The following GALNTL6 variants were observed in gnomAD, a reference collection of about 807,000 sequenced individuals.
GALNTL6 encodes polypeptide N-acetylgalactosaminyltransferase-like 6.
In GALNTL6, 46 loss-of-function variants were observed where a neutral mutation model predicts 73.7. That is an observed-to-expected ratio of 0.62 (90% CI 0.49 to 0.80). The LOEUF (loss-of-function observed/expected upper bound fraction) is 0.80. GALNTL6 is among the 30% of genes least tolerant of loss of function. The pLI is 0.00. For synonymous variants in GALNTL6, 259 were observed against 263.7 expected, an observed-to-expected ratio of 0.98 and a Z score of 0.17; for missense variants, 604 against 755.0, an observed-to-expected ratio of 0.80 and a Z score of 2.34.
chr4:172,097,517 T>A lies in GALNTL6; in HGVS notation c.139-132139T>A, dbSNP rs371884540. Among the ~76,000 whole-genome samples the A allele has an allele frequency of 6.4e-4, 97 of 152,212 alleles. 1 individual carries two copies. The South Asian group carries it at 0.015, about 23-fold the overall frequency. ...TGGAACAGATTCAGGTAACTCATTA[T>A]CCCTTCCTCTCTCCCTTCCTCCCTC... On this transcript the variant is annotated intron_variant, in intron 2 of 12. Transcript: ENST00000506823.
At chr4:172,245,214 G>C (rs776349806) in intron 3 of GALNTL6, among the ~76,000 whole-genome samples, 10 of 152,008 alleles carry the variant, frequency 6.6e-5, no homozygotes, top group Non-Finnish European at 1.0e-4. Context: ...TGCTAAATGA[G>C]GCCAAAATGT....
chr4:172,938,234 C>T (rs1421867969), intron 9 of GALNTL6, among the ~76,000 whole-genome samples: 1 of 152,116 alleles, frequency 6.6e-6, no homozygotes, highest in African/African-American at 2.4e-5. Context: ...TCTGCTGATT[C>T]CATAGATCCT....
rs1737725078 is a variant in GALNTL6 at position 172,248,197 on chromosome 4, A to G, written c.247+18433A>G. 2.6e-5 allele frequency among the ~76,000 whole-genome samples: 4 copies of G among 152,306 alleles called. No homozygotes were observed. In the South Asian group the frequency reaches 8.3e-4, roughly 32 times the overall value. On this transcript the variant is annotated intron_variant, in intron 3 of 12. Transcript: ENST00000506823. ...CAGATTACCTCAGTTAGCTAATGAA[A>G]ATTTATTTTAACATGATCATGAAAG...
rs375712652 is a variant in GALNTL6, at chr4:172,062,124, AT to A, written c.139-167521del. Among the ~76,000 whole-genome samples the A allele has an allele frequency of 3.1e-3, 449 of 143,522 alleles. 1 individual carries two copies. Among genetic ancestry groups the A allele is most frequent in the Admixed American group, 4.3e-3 (62 of 14,348 alleles). 94.2% of individuals were successfully genotyped at this position (143,522 alleles called of 152,430 possible). On this transcript the variant is annotated intron_variant, in intron 2 of 12. Coordinates refer to ENST00000506823, the MANE Select transcript of GALNTL6 (RefSeq NM_001034845.3). Reference sequence around the variant, plus strand: ...ACCACCATGCCCAGCTAATTTTTGTATTTTTTTTTTTAGTAGAGACAGGGTT... The same window carrying A: ...ACCACCATGCCCAGCTAATTTTTGTATTTTTTTTTTAGTAGAGACAGGGTT...
chr4:171,929,729 A>C (rs879423709), intron 2 of GALNTL6, among the ~76,000 whole-genome samples: 2 of 152,132 alleles, frequency 1.3e-5, no homozygotes, highest in Admixed American at 1.3e-4. Flanking sequence ...AGGCATTCAC[A>C]CGCACCCACC....
At chr4:172,166,319 G>A (rs143332199) in intron 2 of GALNTL6, among the ~76,000 whole-genome samples, 2 of 152,230 alleles carry the variant, frequency 1.3e-5, no homozygotes, top group Non-Finnish European at 2.9e-5. Flanking sequence ...GGTGGCGCAT[G>A]CCTGTAATCC....
At chr4:172,993,444 A>G (rs1057354246) in intron 10 of GALNTL6, among the ~76,000 whole-genome samples, 2 of 152,182 alleles carry the variant, frequency 1.3e-5, no homozygotes, top group African/African-American at 4.8e-5. Flanking sequence ...ATATACCAAA[A>G]CCATTCCAGG....
chr4:172,054,848 A>G (rs542823796), intron 2 of GALNTL6, among the ~76,000 whole-genome samples: 11 of 152,210 alleles, frequency 7.2e-5, no homozygotes, highest in Non-Finnish European at 1.5e-4. Context: ...CTTTTCATTA[A>G]TGATCAAGAG....
At chr4:172,329,102 C>T (rs942832737) in intron 4 of GALNTL6, among the ~76,000 whole-genome samples, 40 of 152,274 alleles carry the variant, frequency 2.6e-4, no homozygotes, top group African/African-American at 9.4e-4. Context: ...ACATGGAGAA[C>T]AGTCTGTCCA....
chr4:172,149,915 G>A (rs1292114902), intron 2 of GALNTL6, among the ~76,000 whole-genome samples: 2 of 152,168 alleles, frequency 1.3e-5, no homozygotes, highest in East Asian at 1.9e-4. Context: ...AATGGTTGGG[G>A]CAGAACAAAG....
chr4:172,618,735 CT>C (rs1021117667), intron 5 of GALNTL6, among the ~76,000 whole-genome samples: 1 of 151,828 alleles, frequency 6.6e-6, no homozygotes, highest in African/African-American at 2.4e-5. Flanking sequence ...GTTTTTGTTT[CT>C]TTTTTTGAGA....
chr4:172,162,640 G>T (rs1274775929), intron 2 of GALNTL6, among the ~76,000 whole-genome samples: 1 of 151,908 alleles, frequency 6.6e-6, no homozygotes, highest in African/African-American at 2.4e-5. Flanking sequence ...AAGGCAGAAA[G>T]ATTAATTTAA....
At chr4:172,553,787 G>T (rs1736046655) in intron 5 of GALNTL6, among the ~76,000 whole-genome samples, 1 of 151,988 alleles carries the variant, frequency 6.6e-6, no homozygotes, top group Non-Finnish European at 1.5e-5. Context: ...CCGGCCACAG[G>T]GATTCATGCC....
intron 2 of GALNTL6, among the ~76,000 whole-genome samples, chr4:172,200,204 A>G (rs1425322377): frequency 6.6e-6 from 1 of 152,130 alleles, no homozygotes; most frequent in Non-Finnish European, 1.5e-5. Context: ...ATCCCATTTT[A>G]TTGATGTTTC....
chr4:172,997,410 G>A (rs1751846061), intron 10 of GALNTL6, among the ~76,000 whole-genome samples: 1 of 152,150 alleles, frequency 6.6e-6, no homozygotes, highest in African/African-American at 2.4e-5. Context: ...AGCATGGCGA[G>A]AGTGCAGATG....
At chr4:172,521,615 A>T (rs1308257578) in intron 5 of GALNTL6, among the ~76,000 whole-genome samples, 1 of 152,174 alleles carries the variant, frequency 6.6e-6, no homozygotes, top group East Asian at 1.9e-4. Context: ...AAGACATTTC[A>T]TGTCACTTCA....
At chr4:172,058,536 CTG>C (rs773896862) in intron 2 of GALNTL6, among the ~76,000 whole-genome samples, 3 of 151,512 alleles carry the variant, frequency 2.0e-5, no homozygotes, top group African/African-American at 4.8e-5. Context: ...TGTTTTGTGT[CTG>C]TGTGTGTGTG....
At chr4:172,937,232 GAGAAAGTCTAA>G (rs1401473510) in intron 9 of GALNTL6, among the ~76,000 whole-genome samples, 1 of 152,206 alleles carries the variant, frequency 6.6e-6, no homozygotes, top group East Asian at 1.9e-4. Context: ...TATTAAAATG[GAGAAAGTCTAA>G]AGAAAGTCTA....
At chr4:171,837,964 A>T (rs1351741480) in intron 2 of GALNTL6, among the ~76,000 whole-genome samples, 1 of 151,582 alleles carries the variant, frequency 6.6e-6, no homozygotes, top group Non-Finnish European at 1.5e-5. Flanking sequence ...CTTGGCTAGT[A>T]GGAAGCTCCA....
Sources: allele counts gnomAD v4.1 joint callset (sites outside exome capture counted in the v4.1 genomes callset), GRCh38; gene constraint gnomAD v4.1.1; transcripts MANE v1.5; gene names NCBI Gene and HGNC (gene_info 2026-07-23, HGNC 2026-07-21).